Variants in UNC5D observed in about 807,000 individuals in gnomAD.
UNC5D encodes netrin receptor UNC5D.
A neutral mutation model predicts 105.4 loss-of-function variants in UNC5D; 39 were observed. That is an observed-to-expected ratio of 0.37 (90% confidence interval 0.29 to 0.48). UNC5D has a LOEUF of 0.48. Ranked by LOEUF, UNC5D falls within the 20% of genes least tolerant of loss-of-function variation. The pLI, the probability that UNC5D is intolerant of heterozygous loss-of-function variation, is 0.98. For synonymous variants in UNC5D, 452 were observed against 450.4 expected (o/e 1.00, Z -0.04); for missense variants, 991 against 1,202.4 (o/e 0.82, Z 2.60).
chr8:35,742,649 T>C (rs1353145526), intron 11 of UNC5D, among the ~76,000 whole-genome samples: 2 of 152,160 alleles, frequency 1.3e-5, no homozygotes, highest in East Asian at 3.9e-4. Context: ...AACCTCATAT[T>C]GGAACTTGGA....
chr8:35,262,989 G>A (rs1804591525), intron 1 of UNC5D, among the ~76,000 whole-genome samples: 1 of 152,120 alleles, frequency 6.6e-6, no homozygotes, highest in Non-Finnish European at 1.5e-5. Flanking sequence ...GAACAGACTT[G>A]GTAATGTGAT....
chr8:35,684,466 GTC>G (rs2131343352), intron 5 of UNC5D, 114 bp from the exon 6 acceptor site: 1 of 1,283,198 alleles, frequency 7.8e-7, no homozygotes, highest in East Asian at 2.5e-5. Flanking sequence ...GGGCTGCACA[GTC>G]TCTCGGTCCC....
chr8:35,391,222 C>T (rs570572260), intron 1 of UNC5D, among the ~76,000 whole-genome samples: 59 of 152,258 alleles, frequency 3.9e-4, no homozygotes, highest in African/African-American at 1.3e-3. Context: ...TTGTAAAGTG[C>T]GGAAGAAGCC....
chr8:35,535,209 G>T (rs189796461), intron 1 of UNC5D, among the ~76,000 whole-genome samples: 2 of 152,216 alleles, frequency 1.3e-5, no homozygotes, highest in East Asian at 3.9e-4. Flanking sequence ...CAATATGCAC[G>T]TGATTGTCTG....
In UNC5D at chr8:35,726,249, G is replaced by A. The variant is rs757030779; in HGVS notation, c.1401G>A (p.Glu467=). 3.7e-6 allele frequency: 6 copies of A among 1,614,116 alleles called. No homozygotes were observed. In the East Asian group the frequency reaches 1.3e-4, roughly 36 times the overall value. ...PICLQDPLDK[E]LMTESSLFNP... Reference sequence around the variant, plus strand: ...GTCTGCAGGACCCTCTGGACAAGGAGCTCATGACAGAGTCCTCACTCTTTA... The same window carrying A: ...GTCTGCAGGACCCTCTGGACAAGGAACTCATGACAGAGTCCTCACTCTTTA... The change falls in exon 10 of 17, where the codon GAG becomes GAA. Residue 467 remains glutamate (E), a synonymous_variant. Transcript: ENST00000404895.
At chr8:35,642,511 C>CT (rs58335615) in intron 4 of UNC5D, among the ~76,000 whole-genome samples, 25,033 of 151,918 alleles carry the variant, frequency 0.16, 4,525 homozygotes, top group African/African-American at 0.45. Flanking sequence ...AGTCATATAT[C>CT]TAAGTTTACA....
intron 1 of UNC5D, among the ~76,000 whole-genome samples, chr8:35,423,773 TA>T: frequency 6.6e-6 from 1 of 151,834 alleles, no homozygotes; most frequent in South Asian, 2.1e-4. Flanking sequence ...AAATTGAAAC[TA>T]AAAAGTTTGA....
chr8:35,473,530 T>C (rs115879549), intron 1 of UNC5D, among the ~76,000 whole-genome samples: 2,526 of 152,258 alleles, frequency 0.017, 76 homozygotes, highest in African/African-American at 0.057. Flanking sequence ...ATATTTTTTA[T>C]GTTGAAAGAA....
chr8:35,256,445 C>T (rs905665206), intron 1 of UNC5D: 1 of 152,030 alleles, frequency 6.6e-6, no homozygotes, highest in Non-Finnish European at 1.5e-5. Flanking sequence ...TTAGGTATTT[C>T]TCCTAATGCT....
chr8:35,601,632 T>C (rs955572018), intron 4 of UNC5D, among the ~76,000 whole-genome samples: 3 of 152,194 alleles, frequency 2.0e-5, no homozygotes, highest in African/African-American at 7.2e-5. Flanking sequence ...ATGCTTGTGA[T>C]TTTTGCGCAT....
intron 1 of UNC5D, among the ~76,000 whole-genome samples, chr8:35,463,461 CTCCACT>C (rs1285523606): frequency 3.3e-5 from 5 of 152,140 alleles, no homozygotes; most frequent in Non-Finnish European, 7.3e-5. Context: ...GCCCCTTCCG[CTCCACT>C]TCTTAGTGCT....
At chr8:35,401,457 C>A (rs1262107579) in intron 1 of UNC5D, among the ~76,000 whole-genome samples, 1 of 152,206 alleles carries the variant, frequency 6.6e-6, no homozygotes, top group Non-Finnish European at 1.5e-5. Flanking sequence ...GCACTCCAGC[C>A]TGGACAACAG....
At chr8:35,502,545 C>T (rs1812037287) in intron 1 of UNC5D, among the ~76,000 whole-genome samples, 1 of 151,922 alleles carries the variant, frequency 6.6e-6, no homozygotes, top group African/African-American at 2.4e-5. Context: ...CATGGATTCT[C>T]TTCGTTTTTT....
chr8:35,350,117 T>C (rs1812107400), intron 1 of UNC5D, among the ~76,000 whole-genome samples: 1 of 151,988 alleles, frequency 6.6e-6, no homozygotes, highest in South Asian at 2.1e-4. Context: ...CCCCCAGAGT[T>C]CTGGAAACCA....
At chr8:35,589,827 A>G (rs1017595225) in intron 3 of UNC5D, among the ~76,000 whole-genome samples, 4 of 152,162 alleles carry the variant, frequency 2.6e-5, no homozygotes, top group African/African-American at 9.6e-5. Context: ...ACGTGCATCA[A>G]TATTCTTTCC....
At chr8:35,649,762 C>A (rs1288495255) in intron 4 of UNC5D, among the ~76,000 whole-genome samples, 2 of 152,104 alleles carry the variant, frequency 1.3e-5, no homozygotes, top group Admixed American at 1.3e-4. Flanking sequence ...CAGACAAACT[C>A]AACTTTAGAG....
intron 1 of UNC5D, among the ~76,000 whole-genome samples, chr8:35,470,363 A>G (rs770275590): frequency 5.3e-5 from 8 of 152,060 alleles, no homozygotes; most frequent in Non-Finnish European, 1.0e-4. Flanking sequence ...TCTGCAGGTC[A>G]TGACACCTTG....
rs1183101218 is a variant in UNC5D, at chr8:35,549,382, T to G, written c.194T>G (p.Ile65Ser). 1 of 1,613,590 alleles carries G rather than the reference T, an allele frequency of 6.2e-7. No homozygotes were observed. Among genetic ancestry groups the G allele is most frequent in the Admixed American group, 1.7e-5 (1 of 60,020 alleles). Residue 65 changes from isoleucine (I) to serine (S), a missense_variant, in exon 2 of 17, where the codon ATT (isoleucine) becomes AGT (serine). Physicochemically the swap from Ile to Ser is moderately radical, Grantham distance 142 (BLOSUM62 -2). Coordinates refer to ENST00000404895, the MANE Select transcript of UNC5D (RefSeq NM_080872.4). ...HFIEEPDDAY[I>S]IKSNPIALRC... ...ATAGAGGAGCCAGATGATGCTTATA[T>G]TATCAAGAGCAACCCTATTGCACTC... is the stretch of plus-strand genomic sequence containing the variant.
intron 1 of UNC5D, among the ~76,000 whole-genome samples, chr8:35,422,165 C>T (rs1283755457): frequency 1.3e-5 from 2 of 152,164 alleles, no homozygotes; most frequent in African/African-American, 2.4e-5. Context: ...CAGTTGTCAC[C>T]GGTTGCAATA....
Sources: gnomAD v4.1 joint callset for allele counts (sites outside exome capture counted in the v4.1 genomes callset) on GRCh38, gnomAD v4.1.1 for gene constraint, MANE v1.5 for transcripts, NCBI Gene and HGNC (gene_info 2026-07-23, HGNC 2026-07-21) for gene names.